RALYL: variants seen among roughly 807,000 people sequenced by gnomAD.
The protein encoded by RALYL is RALY RNA binding protein like.
Under a neutral mutation model 35.1 loss-of-function variants are expected in RALYL, and 29 were observed. The observed-to-expected ratio is 0.83, with a 90% CI of 0.61 to 1.13. The LOEUF (loss-of-function observed/expected upper bound fraction) is 1.13. RALYL is among the 50% of genes most tolerant of loss of function. The pLI, the probability that RALYL is intolerant of heterozygous loss-of-function variation, is 0.00. For synonymous variants in RALYL, 120 were observed against 127.6 expected, an observed-to-expected ratio of 0.94 and a Z score of 0.40; for missense variants, 359 against 360.4, an observed-to-expected ratio of 1.00 and a Z score of 0.03.
chr8:84,603,070 T>A (rs1816317532), intron 2 of RALYL, among the ~76,000 whole-genome samples: 1 of 152,008 alleles, frequency 6.6e-6, no homozygotes, highest in Non-Finnish European at 1.5e-5. Flanking sequence ...ACTGTACACC[T>A]AAAAATGATA....
chr8:84,392,867 C>T (rs1371067778), intron 1 of RALYL, among the ~76,000 whole-genome samples: 1 of 151,970 alleles, frequency 6.6e-6, no homozygotes, highest in Non-Finnish European at 1.5e-5. Context: ...CTGTGGTAGA[C>T]AAAGTGTTTT....
At chr8:84,200,106 CAA>C (rs1360225252) in intron 1 of RALYL, among the ~76,000 whole-genome samples, 2 of 152,202 alleles carry the variant, frequency 1.3e-5, no homozygotes, top group African/African-American at 2.4e-5. Context: ...AACCTGAAAC[CAA>C]AGTTTTCTGC....
intron 4 of RALYL, among the ~76,000 whole-genome samples, 179 bp downstream of exon 4, chr8:84,804,981 G>A (rs999947670): frequency 6.6e-6 from 1 of 152,084 alleles, no homozygotes; most frequent in African/African-American, 2.4e-5. Flanking sequence ...GTTGTATTGT[G>A]ACCTCAGAAA....
intron 2 of RALYL, among the ~76,000 whole-genome samples, chr8:84,535,642 T>TTTATTTTATTTTATTTTATA (rs1357281833): frequency 7.1e-6 from 1 of 140,398 alleles, no homozygotes; most frequent in Non-Finnish European, 1.6e-5. Flanking sequence ...TTTATTTTAT[T>TTTATTTTATTTTATTTTATA]TTTTGTATTT....
intron 1 of RALYL, among the ~76,000 whole-genome samples, chr8:84,269,532 A>G (rs1023634821): frequency 9.9e-5 from 15 of 152,136 alleles, no homozygotes; most frequent in Admixed American, 9.8e-4. Context: ...ATCTATTTTA[A>G]GTTCTTTAGG....
At chr8:84,462,287 T>C (rs1048456870) in intron 1 of RALYL, among the ~76,000 whole-genome samples, 5 of 151,724 alleles carry the variant, frequency 3.3e-5, no homozygotes, top group African/African-American at 1.2e-4. Flanking sequence ...TTTAATTAGA[T>C]TGTTATCATA....
chr8:84,657,416 A>G (rs563708637), intron 2 of RALYL, among the ~76,000 whole-genome samples: 62 of 152,264 alleles, frequency 4.1e-4, no homozygotes, highest in African/African-American at 1.4e-3. Flanking sequence ...TCCAAGTCTT[A>G]CTCTCAACCG....
intron 1 of RALYL, among the ~76,000 whole-genome samples, chr8:84,399,959 A>T (rs2042725966): frequency 6.6e-6 from 1 of 152,182 alleles, no homozygotes; most frequent in Non-Finnish European, 1.5e-5. Flanking sequence ...TCTACTAAAA[A>T]TAGAAAAATT....
At chr8:84,672,874 A>C (rs1833531279) in intron 2 of RALYL, among the ~76,000 whole-genome samples, 1 of 152,202 alleles carries the variant, frequency 6.6e-6, no homozygotes, top group East Asian at 1.9e-4. Flanking sequence ...GCACAACCAA[A>C]CCATATCAAC....
chr8:84,470,510 A>G (rs952593784), intron 1 of RALYL, among the ~76,000 whole-genome samples: 1 of 151,844 alleles, frequency 6.6e-6, no homozygotes, highest in Admixed American at 6.6e-5. Flanking sequence ...TTTTGAGCTG[A>G]ACAAGAAAGG....
chr8:84,873,494 T>A, intron 7 of RALYL, 97 bp downstream of exon 7: 1 of 663,660 alleles, frequency 1.5e-6, no homozygotes, highest in Non-Finnish European at 2.6e-6. Context: ...TGGCTGAGTT[T>A]AACAGTGTTT....
intron 3 of RALYL, among the ~76,000 whole-genome samples, chr8:84,798,731 T>C (rs1822505808): frequency 6.6e-6 from 1 of 152,250 alleles, no homozygotes; most frequent in Non-Finnish European, 1.5e-5. Flanking sequence ...AATGGGTGGA[T>C]ATTTTTATAA....
At chr8:84,629,677 C>CAT (rs1270902624) in intron 2 of RALYL, among the ~76,000 whole-genome samples, 1 of 151,812 alleles carries the variant, frequency 6.6e-6, no homozygotes, top group Non-Finnish European at 1.5e-5. Context: ...TACAATAGAG[C>CAT]ATATATTTGT....
chr8:84,342,038 T>C (rs550548717), intron 1 of RALYL, among the ~76,000 whole-genome samples: 1 of 151,482 alleles, frequency 6.6e-6, no homozygotes, highest in Non-Finnish European at 1.5e-5. Flanking sequence ...TATGATAAAA[T>C]AGGCAAGAAA....
intron 1 of RALYL, among the ~76,000 whole-genome samples, chr8:84,369,586 C>T (rs1157543102): frequency 6.6e-6 from 1 of 151,958 alleles, no homozygotes; most frequent in African/African-American, 2.4e-5. Context: ...AGGATTTCTT[C>T]CCCCTTTAAT....
At chr8:84,262,619 A>G (rs2131829540) in intron 1 of RALYL, among the ~76,000 whole-genome samples, 1 of 152,268 alleles carries the variant, frequency 6.6e-6, no homozygotes, top group Non-Finnish European at 1.5e-5. Context: ...ACTTTTATAG[A>G]CTTTTGATAC....
At chr8:84,852,201 A>C (rs1307162271) in intron 5 of RALYL, among the ~76,000 whole-genome samples, 1 of 152,190 alleles carries the variant, frequency 6.6e-6, no homozygotes, top group Non-Finnish European at 1.5e-5. Context: ...TGAGAATCAG[A>C]CCCACAACTG....
chr8:84,814,350 A>G (rs891413199), intron 4 of RALYL, among the ~76,000 whole-genome samples: 3 of 152,188 alleles, frequency 2.0e-5, no homozygotes, highest in Non-Finnish European at 4.4e-5. Context: ...TATAATGGGG[A>G]AAGATAAAAA....
intron 2 of RALYL, among the ~76,000 whole-genome samples, chr8:84,745,064 A>AACAC (rs140133347): frequency 6.7e-6 from 1 of 149,226 alleles, no homozygotes; most frequent in Non-Finnish European, 1.5e-5. Flanking sequence ...TCCCAAAACA[A>AACAC]ACACACACAC....
Sources: allele counts gnomAD v4.1 joint callset (sites outside exome capture counted in the v4.1 genomes callset), GRCh38; gene constraint gnomAD v4.1.1; transcripts MANE v1.5; gene names NCBI Gene and HGNC (gene_info 2026-07-23, HGNC 2026-07-21).